The following SEM1 variants were observed in gnomAD, a reference collection of about 807,000 sequenced individuals.
The protein encoded by SEM1 is SEM1 26S proteasome subunit.
SEM1 carries 3 observed loss-of-function variants against 12.7 expected under a neutral mutation model. The observed-to-expected ratio is 0.24, with a 90% CI of 0.11 to 0.61. The LOEUF (loss-of-function observed/expected upper bound fraction) is 0.61, where lower values mean the gene tolerates loss of function less well. Ranked by LOEUF, SEM1 falls within the 20% of genes least tolerant of loss-of-function variation. SEM1 has a pLI of 0.88. For missense variants in SEM1, 59 were observed against 81.3 expected (o/e 0.73, Z 1.06); for synonymous variants, 30 against 27.8 (o/e 1.08, Z -0.25).
intron 3 of SEM1, among the ~76,000 whole-genome samples, chr7:96,502,917 T>G (rs1803617717): frequency 6.6e-6 from 1 of 152,196 alleles, no homozygotes; most frequent in Non-Finnish European, 1.5e-5. Context: ...TGTTTCAGTC[T>G]GAGAAATGGC....
intron 2 of SEM1, among the ~76,000 whole-genome samples, chr7:96,610,219 C>T (rs1168203917): frequency 1.3e-5 from 2 of 152,064 alleles, no homozygotes; most frequent in East Asian, 1.9e-4. Context: ...CCTGCCTCAG[C>T]CTCTCAAGTA....
intron 1 of SEM1, chr7:96,695,994 A>G (rs1208501174): frequency 6.6e-6 from 1 of 152,000 alleles, no homozygotes; most frequent in Non-Finnish European, 1.5e-5. Flanking sequence ...TCATCTAATT[A>G]TGATTTGATT....
chr7:96,681,080 C>T (rs1789596551), intron 2 of SEM1, among the ~76,000 whole-genome samples: 1 of 152,106 alleles, frequency 6.6e-6, no homozygotes, highest in Admixed American at 6.6e-5. Context: ...GTTCAAGCAA[C>T]TGCATGTAGT....
At chr7:96,588,397 CGAGAG>C (rs1168689756) in intron 2 of SEM1, among the ~76,000 whole-genome samples, 15 of 72,260 alleles carry the variant, frequency 2.1e-4, no homozygotes, top group African/African-American at 6.5e-4. Flanking sequence ...CACACACACA[CGAGAG>C]AGAGAGAGAG....
intron 1 of SEM1, among the ~76,000 whole-genome samples, chr7:96,700,255 G>A (rs1166372967): frequency 6.6e-6 from 1 of 152,160 alleles, no homozygotes; most frequent in Non-Finnish European, 1.5e-5. Context: ...GAGGTGAGTA[G>A]AGAAACATGT....
intron 2 of SEM1, among the ~76,000 whole-genome samples, chr7:96,536,185 G>A (rs576983964): frequency 6.6e-6 from 1 of 151,914 alleles, no homozygotes; most frequent in East Asian, 1.9e-4. Flanking sequence ...CTTGACCCAT[G>A]TATTATTTAG....
At chr7:96,555,268 C>T (rs201675279) in intron 2 of SEM1, among the ~76,000 whole-genome samples, 1 of 151,992 alleles carries the variant, frequency 6.6e-6, no homozygotes, top group African/African-American at 2.4e-5. Flanking sequence ...TTTCTAGTTC[C>T]TTTAATTGTG....
chr7:96,636,833 G>T (rs1584823267), intron 2 of SEM1, among the ~76,000 whole-genome samples: 1 of 152,076 alleles, frequency 6.6e-6, no homozygotes, highest in South Asian at 2.1e-4. Context: ...TTATTGCTGT[G>T]GGTTTTGGAG....
At position 96,492,695 on chromosome 7, in the gene SEM1, TAC is replaced by T. The variant is rs1165460801; in HGVS notation, c.12+3587_12+3588del. On this transcript the variant is annotated intron_variant, in intron 1 of 3. Transcript: ENST00000356686. ...ATCCACCAGCCTTGGCCTCCCAAAGTACTAGGATTACAGGTGTGAGCTACTAT... is the reference window on the plus strand; with the variant it reads ...ATCCACCAGCCTTGGCCTCCCAAAGTTAGGATTACAGGTGTGAGCTACTAT... Among the ~76,000 whole-genome samples the T allele has an allele frequency of 6.9e-5, 10 of 145,454 alleles. No homozygotes were observed. The East Asian group carries it at 1.9e-3, about 27-fold the overall frequency.
intron 2 of SEM1, among the ~76,000 whole-genome samples, chr7:96,692,202 C>T (rs1789949860): frequency 6.6e-6 from 1 of 152,118 alleles, no homozygotes; most frequent in Admixed American, 6.5e-5. Context: ...ATTATCAATA[C>T]ATTTACTACT....
intron 2 of SEM1, chr7:96,656,659 A>T (rs1345623922): frequency 6.6e-6 from 1 of 151,992 alleles, no homozygotes; most frequent in Middle Eastern, 3.4e-3. Flanking sequence ...CTGTCTTGGT[A>T]CAACAAAATC....
chr7:96,617,640 C>A (rs1807760834), downstream of SEM1, among the ~76,000 whole-genome samples: 1 of 152,090 alleles, frequency 6.6e-6, no homozygotes, highest in Non-Finnish European at 1.5e-5. Flanking sequence ...ATGCTTTCAA[C>A]TTTTTACCAT....
chr7:96,668,876 T>C (rs1789237379), downstream of SEM1, among the ~76,000 whole-genome samples: 1 of 152,066 alleles, frequency 6.6e-6, no homozygotes, highest in Non-Finnish European at 1.5e-5. Flanking sequence ...CAGACTAGTG[T>C]CCCTATAAGA....
At chr7:96,545,503 G>C (rs1805078868) in intron 2 of SEM1, among the ~76,000 whole-genome samples, 1 of 152,030 alleles carries the variant, frequency 6.6e-6, no homozygotes, top group Non-Finnish European at 1.5e-5. Context: ...TGCCAGCATA[G>C]AGATTATTTG....
At chr7:96,649,260 A>G (rs1190750535) in intron 2 of SEM1, 1 of 152,190 alleles carries the variant, frequency 6.6e-6, no homozygotes, top group Non-Finnish European at 1.5e-5. Flanking sequence ...GATCATTCAT[A>G]AACCAATGTG....
At chr7:96,661,797 G>C (rs979957081) in intron 2 of SEM1, among the ~76,000 whole-genome samples, 1 of 152,082 alleles carries the variant, frequency 6.6e-6, no homozygotes, top group Admixed American at 6.5e-5. Flanking sequence ...AGACTACCCT[G>C]ACCAACATGG....
chr7:96,524,738 A>T (rs1030458274), intron 2 of SEM1, among the ~76,000 whole-genome samples: 1 of 151,974 alleles, frequency 6.6e-6, no homozygotes, highest in Non-Finnish European at 1.5e-5. Flanking sequence ...TTCATGCTAG[A>T]TTTTCAACAT....
intron 2 of SEM1, among the ~76,000 whole-genome samples, chr7:96,623,500 T>C (rs1393672945): frequency 6.8e-6 from 1 of 147,694 alleles, no homozygotes. Flanking sequence ...ATAGATAAAT[T>C]TGTATAAATA....
intron 2 of SEM1, among the ~76,000 whole-genome samples, chr7:96,535,123 T>C (rs190913177): frequency 6.6e-6 from 1 of 152,116 alleles, no homozygotes; most frequent in Admixed American, 6.6e-5. Flanking sequence ...TGCACACAAA[T>C]GTTTTGTATT....
Sources: allele counts gnomAD v4.1 joint callset (sites outside exome capture counted in the v4.1 genomes callset), GRCh38; gene constraint gnomAD v4.1.1; transcripts MANE v1.5; gene names NCBI Gene and HGNC (gene_info 2026-07-23, HGNC 2026-07-21).